Variants in ABHD17C observed in about 807,000 individuals in gnomAD.
ABHD17C encodes the protein alpha/beta hydrolase domain-containing protein 17C.
ABHD17C carries 11 observed loss-of-function variants against 27.9 expected under a neutral mutation model. That is an observed-to-expected ratio of 0.39 (90% CI 0.25 to 0.65). The LOEUF is 0.65. Ranked by LOEUF, ABHD17C falls within the 30% of genes least tolerant of loss-of-function variation. The pLI is 0.45. For synonymous variants in ABHD17C, 233 were observed against 209.1 expected, an observed-to-expected ratio of 1.11 and a Z score of -0.98; for missense variants, 280 against 470.2, an observed-to-expected ratio of 0.60 and a Z score of 3.74.
At chr15:80,735,237 A>G (rs913680148) in intron 1 of ABHD17C, among the ~76,000 whole-genome samples, 6 of 152,160 alleles carry the variant, frequency 3.9e-5, no homozygotes, top group South Asian at 4.1e-4. Context: ...GCATGTTCCA[A>G]AGTTCCCTGA....
intron 1 of ABHD17C, among the ~76,000 whole-genome samples, chr15:80,697,574 T>C (rs1005102261): frequency 2.0e-5 from 3 of 152,180 alleles, no homozygotes; most frequent in African/African-American, 4.8e-5. Flanking sequence ...GCCCCAAATA[T>C]ACAGGTGTGT....
At chr15:80,708,426 A>G (rs1418772729) in intron 1 of ABHD17C, among the ~76,000 whole-genome samples, 2 of 152,042 alleles carry the variant, frequency 1.3e-5, no homozygotes, top group Non-Finnish European at 2.9e-5. Context: ...AGTGATTCTC[A>G]TGCCTCAGCC....
rs141696732 is a variant in ABHD17C at position 80,721,098 on chromosome 15, CT to C, written c.590+25081del. On this transcript the variant is annotated intron_variant, in intron 1 of 2. Coordinates refer to ENST00000258884, the MANE Select transcript of ABHD17C (RefSeq NM_021214.2). ...CTATTATACTGACCTCTGGATTTTC[CT>C]TGTCTCCCATATTCTCCATCTTTTT... is the stretch of plus-strand genomic sequence containing the variant. 4.6e-5 allele frequency among the ~76,000 whole-genome samples: 7 copies of C among 151,672 alleles called. No homozygotes were observed. In the East Asian group the frequency reaches 1.4e-3, roughly 29 times the overall value.
intron 1 of ABHD17C, among the ~76,000 whole-genome samples, chr15:80,723,809 G>T (rs114720159): frequency 6.7e-5 from 10 of 150,234 alleles, no homozygotes; most frequent in African/African-American, 1.9e-4. Flanking sequence ...CCGACCAACC[G>T]CTGTGGCATC....
rs1392611258 is a variant in ABHD17C, at chr15:80,739,353, T to A, written c.591-10160T>A. On this transcript the variant is annotated intron_variant, in intron 1 of 2. Coordinates refer to ENST00000258884, the MANE Select transcript of ABHD17C (RefSeq NM_021214.2). Reference sequence around the variant, plus strand: ...CTACTGCCCTACATGTTGAATTTTGTTTTATATGTATTTTAAATCAGAATC... The same window carrying A: ...CTACTGCCCTACATGTTGAATTTTGATTTATATGTATTTTAAATCAGAATC... Among the ~76,000 whole-genome samples, 6 of 152,242 alleles carry A rather than the reference T, an allele frequency of 3.9e-5. No homozygotes were observed. In the South Asian group the frequency reaches 1.2e-3, roughly 32 times the overall value.
At chr15:80,705,865 T>C (rs1179261236) in intron 1 of ABHD17C, among the ~76,000 whole-genome samples, 2 of 152,218 alleles carry the variant, frequency 1.3e-5, no homozygotes, top group African/African-American at 2.4e-5. Flanking sequence ...TAGGTGTTTA[T>C]ATGCCCAAGG....
chr15:80,742,553 C>T (rs534318641), intron 1 of ABHD17C, among the ~76,000 whole-genome samples: 2 of 152,318 alleles, frequency 1.3e-5, no homozygotes, highest in East Asian at 3.9e-4. Flanking sequence ...ATACTAGTCT[C>T]TTCCAGAAGC....
intron 1 of ABHD17C, among the ~76,000 whole-genome samples, chr15:80,748,598 T>C (rs1895323981): frequency 6.6e-6 from 1 of 151,836 alleles, no homozygotes; most frequent in African/African-American, 2.4e-5. Context: ...CTTTTTCTTT[T>C]CTAAGCACTC....
chr15:80,722,287 C>A (rs1273269723), intron 1 of ABHD17C, among the ~76,000 whole-genome samples: 1 of 145,500 alleles, frequency 6.9e-6, no homozygotes, highest in Non-Finnish European at 1.5e-5. Flanking sequence ...CAGATGGGCT[C>A]AGGTCATCAT....
intron 1 of ABHD17C, among the ~76,000 whole-genome samples, chr15:80,696,766 C>T (rs529812204): frequency 9.2e-5 from 14 of 152,300 alleles, no homozygotes; most frequent in African/African-American, 2.9e-4. Context: ...GAGCCAGGCA[C>T]AAACTGGGGG....
At chr15:80,696,470 G>C (rs1212774891) in intron 1 of ABHD17C, among the ~76,000 whole-genome samples, 2 of 152,228 alleles carry the variant, frequency 1.3e-5, no homozygotes, top group Admixed American at 6.5e-5. Flanking sequence ...GGGCGAGACA[G>C]GATGGCCTCT....
intron 1 of ABHD17C, among the ~76,000 whole-genome samples, chr15:80,721,098 C>G (rs560856304): frequency 2.2e-4 from 33 of 151,672 alleles, no homozygotes; most frequent in African/African-American, 8.0e-4. Context: ...CTGGATTTTC[C>G]TTGTCTCCCA....
chr15:80,732,559 T>C (rs1389735285), intron 1 of ABHD17C, among the ~76,000 whole-genome samples: 1 of 152,164 alleles, frequency 6.6e-6, no homozygotes, highest in Admixed American at 6.5e-5. Flanking sequence ...CTTTTTAAGC[T>C]TTTAAAAAGG....
At chr15:80,726,714 G>T (rs28666570) in intron 1 of ABHD17C, among the ~76,000 whole-genome samples, 1 of 151,400 alleles carries the variant, frequency 6.6e-6, no homozygotes, top group Admixed American at 6.6e-5. Flanking sequence ...GGGTTTCACC[G>T]TGTTAGTCAG....
chr15:80,713,823 A>G (rs1187809953), intron 1 of ABHD17C, among the ~76,000 whole-genome samples: 16 of 151,694 alleles, frequency 1.1e-4, no homozygotes. Flanking sequence ...AAAAGCAACA[A>G]AAAACATTGA....
chr15:80,718,867 CTT>C (rs1463621534), intron 1 of ABHD17C, among the ~76,000 whole-genome samples: 1 of 152,120 alleles, frequency 6.6e-6, no homozygotes, highest in African/African-American at 2.4e-5. Flanking sequence ...GAGATAATAA[CTT>C]TGTGTAACTT....
chr15:80,722,497 G>C (rs533075331), intron 1 of ABHD17C, among the ~76,000 whole-genome samples: 2 of 151,362 alleles, frequency 1.3e-5, no homozygotes, highest in Non-Finnish European at 2.9e-5. Flanking sequence ...TGTCATCACT[G>C]TTGTTGCCAT....
intron 1 of ABHD17C, among the ~76,000 whole-genome samples, chr15:80,748,125 A>G (rs570511073): frequency 2.5e-4 from 38 of 152,276 alleles, no homozygotes; most frequent in Admixed American, 2.0e-3. Context: ...AGCATGTTCC[A>G]ATGCCCTGAA....
At chr15:80,722,532 T>C (rs941626837) in intron 1 of ABHD17C, among the ~76,000 whole-genome samples, 1 of 152,136 alleles carries the variant, frequency 6.6e-6, no homozygotes, top group East Asian at 1.9e-4. Flanking sequence ...CTCCAGAAGT[T>C]TTCTCTTGCC....
Sources: allele counts gnomAD v4.1 joint callset (sites outside exome capture counted in the v4.1 genomes callset), GRCh38; gene constraint gnomAD v4.1.1; transcripts MANE v1.5; gene names NCBI Gene and HGNC (gene_info 2026-07-23, HGNC 2026-07-21).